TP63: variants seen among roughly 807,000 people sequenced by gnomAD.
The protein encoded by TP63 is tumor protein 63.
TP63 carries 17 observed loss-of-function variants against 82.8 expected under a neutral mutation model. The observed-to-expected ratio is 0.21, with a 90% CI of 0.14 to 0.31. The LOEUF (loss-of-function observed/expected upper bound fraction) is 0.31, where lower values mean the gene tolerates loss of function less well. Among genes scored for constraint, TP63 ranks in the 10% least tolerant of loss-of-function variants. The pLI, the probability that TP63 is intolerant of heterozygous loss-of-function variation, is 1.00. For missense variants in TP63, 648 were observed against 895.3 expected (o/e 0.72, Z 3.52); for synonymous variants, 330 against 321.7 (o/e 1.03, Z -0.28).
At chr3:189,677,328 A>ATT (rs1715497135) in intron 1 of TP63, among the ~76,000 whole-genome samples, 1 of 146,498 alleles carries the variant, frequency 6.8e-6, no homozygotes, top group Non-Finnish European at 1.5e-5. Context: ...ATACACACAC[A>ATT]TATTTATATA....
intron 1 of TP63, among the ~76,000 whole-genome samples, chr3:189,649,762 C>T (rs17504410): frequency 0.33 from 47,992 of 145,828 alleles, 11,212 homozygotes; most frequent in Middle Eastern, 0.51. Flanking sequence ...GAGGATGGAA[C>T]TTGGTAGAGA....
At chr3:189,798,263 T>C (rs1308445796) in intron 3 of TP63, among the ~76,000 whole-genome samples, 1 of 152,132 alleles carries the variant, frequency 6.6e-6, no homozygotes, top group East Asian at 1.9e-4. Context: ...TACAAGCCTC[T>C]TCTATCTATA....
In TP63 at chr3:189,849,763, C is replaced by T. The variant is rs929303998; in HGVS notation, c.580-14469C>T. Among the ~76,000 whole-genome samples, 8 of 151,920 alleles carry T rather than the reference C, an allele frequency of 5.3e-5. No individual in the cohort carries two copies. The East Asian group carries it at 9.7e-4, about 18-fold the overall frequency. ...AGCCAGGACAAGGACTGGCATGAAG[C>T]GCGTGCTCAATAAATATTTGCTGAA... On this transcript the variant is annotated intron_variant, in intron 4 of 13. Coordinates refer to ENST00000264731, the MANE Select transcript of TP63 (RefSeq NM_003722.5).
chr3:189,845,873 G>A (rs1206098417), intron 4 of TP63, among the ~76,000 whole-genome samples: 1 of 151,596 alleles, frequency 6.6e-6, no homozygotes, highest in East Asian at 1.9e-4. Flanking sequence ...ATGTAGTATG[G>A]CATTTCTTCT....
chr3:189,864,195 T>A, intron 4 of TP63, 37 bp from the exon 5 acceptor site: 1 of 1,613,122 alleles, frequency 6.2e-7, no homozygotes, highest in Non-Finnish European at 8.5e-7. Flanking sequence ...CTGTTGGTTC[T>A]CTCCTTCCTT....
intron 3 of TP63, among the ~76,000 whole-genome samples, chr3:189,782,803 G>A (rs1027731273): frequency 9.9e-5 from 15 of 152,120 alleles, no homozygotes; most frequent in East Asian, 3.9e-4. Flanking sequence ...AATGAATAAC[G>A]TATAATAGCA....
In TP63 at chr3:189,894,477, A is replaced by G; in HGVS notation, c.2018A>G (p.Gln673Arg). The change falls in exon 14 of 14, where the codon CAG becomes CGG. Residue 673 changes from glutamine to arginine, a missense_variant. Coordinates refer to ENST00000264731, the MANE Select transcript of TP63 (RefSeq NM_003722.5). ...FDMDARRNKQ[Q>R]RIKEEGE ...ATGGATGCTCGCCGCAATAAGCAACAGCGCATCAAAGAGGAGGGGGAGTGA... is the reference window on the plus strand; with the variant it reads ...ATGGATGCTCGCCGCAATAAGCAACGGCGCATCAAAGAGGAGGGGGAGTGA... The G allele has an allele frequency of 1.2e-6, 2 of 1,613,830 alleles. No homozygotes were observed. The highest frequency in any genetic ancestry group is 8.5e-7 in the Non-Finnish European group (1 of 1,180,006).
rs181848267 is a variant in TP63, at chr3:189,813,541, G to A, written c.579+5015G>A. On this transcript the variant is annotated intron_variant, in intron 4 of 13. Transcript: ENST00000264731. ...GCCAGTTGGAGAGCTATTTTTCACC[G>A]CTCATGACACGAGAGTACTCTCTGT... Among the ~76,000 whole-genome samples the A allele has an allele frequency of 2.1e-4, 32 of 151,612 alleles. 1 individual carries two copies. The East Asian group carries it at 4.1e-3, about 19-fold the overall frequency.
At chr3:189,843,247 G>T (rs1397790400) in intron 4 of TP63, among the ~76,000 whole-genome samples, 1 of 152,136 alleles carries the variant, frequency 6.6e-6, no homozygotes, top group Non-Finnish European at 1.5e-5. Flanking sequence ...TTTGTGGCAC[G>T]GTCTAAGTGT....
At chr3:189,837,751 A>G (rs904589055) in intron 4 of TP63, among the ~76,000 whole-genome samples, 3 of 151,972 alleles carry the variant, frequency 2.0e-5, no homozygotes, top group African/African-American at 7.3e-5. Flanking sequence ...CTCAGGCTCA[A>G]TCAGTCCTCC....
chr3:189,805,674 G>A (rs753018142), intron 3 of TP63, among the ~76,000 whole-genome samples: 1 of 152,188 alleles, frequency 6.6e-6, no homozygotes, highest in African/African-American at 2.4e-5. Context: ...AGGCCAGTGA[G>A]TGTGCAAAGG....
At chr3:189,777,934 C>A (rs1262778498) in intron 3 of TP63, among the ~76,000 whole-genome samples, 2 of 139,788 alleles carry the variant, frequency 1.4e-5, no homozygotes, top group Admixed American at 1.5e-4. Flanking sequence ...CAGCTCACTG[C>A]AACTTCCGTC....
At chr3:189,793,458 T>C (rs1725369688) in intron 3 of TP63, among the ~76,000 whole-genome samples, 1 of 152,096 alleles carries the variant, frequency 6.6e-6, no homozygotes, top group Admixed American at 6.6e-5. Context: ...TCAATGACTA[T>C]GGACAGAATT....
chr3:189,666,423 G>A (rs1265501575), intron 1 of TP63, among the ~76,000 whole-genome samples: 1 of 152,006 alleles, frequency 6.6e-6, no homozygotes, highest in African/African-American at 2.4e-5. Flanking sequence ...TATTTATTCT[G>A]TGTAATGAAC....
intron 3 of TP63, among the ~76,000 whole-genome samples, chr3:189,763,417 G>A (rs978225621): frequency 6.6e-6 from 1 of 152,170 alleles, no homozygotes; most frequent in African/African-American, 2.4e-5. Context: ...AGTTACGTTT[G>A]ATGCTTGCTA....
intron 1 of TP63, among the ~76,000 whole-genome samples, chr3:189,637,088 G>GAC (rs35703123): frequency 0.076 from 11,454 of 150,886 alleles, 617 homozygotes; most frequent in East Asian, 0.31. Flanking sequence ...TGCACTGCAG[G>GAC]ACACACACAC....
intron 1 of TP63, among the ~76,000 whole-genome samples, chr3:189,697,192 G>A (rs1577258553): frequency 7.0e-6 from 1 of 142,210 alleles, no homozygotes; most frequent in Non-Finnish European, 1.5e-5. Context: ...TCCATTTTAA[G>A]TTAATTTTTG....
intron 1 of TP63, among the ~76,000 whole-genome samples, chr3:189,667,865 A>C (rs1714538221): frequency 1.3e-5 from 2 of 152,206 alleles, no homozygotes; most frequent in South Asian, 4.1e-4. Context: ...CTTGCTTTTG[A>C]GATGTGAAAG....
intron 1 of TP63, among the ~76,000 whole-genome samples, chr3:189,726,806 C>T (rs1217460537): frequency 2.0e-5 from 3 of 152,316 alleles, no homozygotes; most frequent in African/African-American, 7.2e-5. Context: ...GTTTCTACAA[C>T]TTCACAAGTA....
Sources: gnomAD v4.1 joint callset for allele counts (sites outside exome capture counted in the v4.1 genomes callset) on GRCh38, gnomAD v4.1.1 for gene constraint, MANE v1.5 for transcripts, NCBI Gene and HGNC (gene_info 2026-07-23, HGNC 2026-07-21) for gene names.